The following PTPRR variants were observed in gnomAD, a reference collection of about 807,000 sequenced individuals.
The protein encoded by PTPRR is protein tyrosine phosphatase receptor type R.
Under a neutral mutation model 77.2 loss-of-function variants are expected in PTPRR, and 38 were observed. The observed-to-expected ratio is 0.49, with a 90% CI of 0.38 to 0.65. PTPRR has a LOEUF of 0.65. Among genes scored for constraint, PTPRR ranks in the 30% least tolerant of loss-of-function variants. The pLI is 0.00. For missense variants in PTPRR, 744 were observed against 799.2 expected (o/e 0.93, Z 0.83); for synonymous variants, 299 against 283.1 (o/e 1.06, Z -0.57).
intron 1 of PTPRR, among the ~76,000 whole-genome samples, chr12:70,895,897 G>A (rs924273869): frequency 1.1e-4 from 17 of 151,672 alleles, no homozygotes; most frequent in Non-Finnish European, 2.1e-4. Context: ...TATTAGTGAA[G>A]CCGTAATTCT....
chr12:70,724,795 G>C (rs902641453), intron 6 of PTPRR, among the ~76,000 whole-genome samples: 1 of 151,842 alleles, frequency 6.6e-6, no homozygotes, highest in Non-Finnish European at 1.5e-5. Context: ...GTGTATGTAA[G>C]TCTGGATATA....
rs1430416367 is a variant in PTPRR, at chr12:70,726,659, C to T, written c.1007+19159G>A. Among the ~76,000 whole-genome samples, 7 of 151,624 alleles carry T rather than the reference C, an allele frequency of 4.6e-5. No homozygotes were observed. The East Asian group carries it at 1.4e-3, about 29-fold the overall frequency. On this transcript the variant is annotated intron_variant, in intron 6 of 13. Transcript: ENST00000283228. ...GCAGTGGCGTGATCATAGCTCACTG[C>T]AACCTCCACCTCCTGAGTTCAAACG...
At chr12:70,642,366 T>C (rs1886035868) in intron 13 of PTPRR, among the ~76,000 whole-genome samples, 1 of 152,234 alleles carries the variant, frequency 6.6e-6, no homozygotes, top group South Asian at 2.1e-4. Context: ...CACAATGCTC[T>C]TGTTTACTGG....
intron 10 of PTPRR, chr12:70,672,750 G>A: frequency 6.4e-7 from 1 of 1,553,102 alleles, no homozygotes; most frequent in Non-Finnish European, 8.8e-7. Flanking sequence ...TCCTGACTGG[G>A]ACCTCCCCAG....
At chr12:70,660,348 C>T (rs966923027) in intron 12 of PTPRR, among the ~76,000 whole-genome samples, 25 of 152,134 alleles carry the variant, frequency 1.6e-4, no homozygotes, top group African/African-American at 5.8e-4. Context: ...AGCACAGACC[C>T]TGCTGCTGTT....
At chr12:70,764,636 T>TTTGGAAATGC (rs758642427) in intron 3 of PTPRR, 29 bp downstream of exon 3, 9 of 1,565,384 alleles carry the variant, frequency 5.7e-6, no homozygotes, top group Non-Finnish European at 7.9e-6. Flanking sequence ...CGGCTTGAAT[T>TTTGGAAATGC]TTGGAAATGC....
chr12:70,905,267 C>T (rs1212911370), intron 1 of PTPRR, among the ~76,000 whole-genome samples: 1 of 151,598 alleles, frequency 6.6e-6, no homozygotes, highest in African/African-American at 2.4e-5. Flanking sequence ...GAAGTCATCT[C>T]ATAAGAGAGT....
chr12:70,857,914 A>G (rs1257762652), intron 2 of PTPRR, among the ~76,000 whole-genome samples: 1 of 152,226 alleles, frequency 6.6e-6, no homozygotes, highest in Non-Finnish European at 1.5e-5. Flanking sequence ...TTCTCTAGGG[A>G]TGTGGCAGCC....
chr12:70,905,376 T>C (rs1206586596), intron 1 of PTPRR, among the ~76,000 whole-genome samples: 1 of 151,912 alleles, frequency 6.6e-6, no homozygotes, highest in Non-Finnish European at 1.5e-5. Context: ...GTAGGATTTC[T>C]TGTCTTCATT....
At chr12:70,742,924 T>A (rs1890098436) in intron 6 of PTPRR, among the ~76,000 whole-genome samples, 1 of 152,136 alleles carries the variant, frequency 6.6e-6, no homozygotes, top group Non-Finnish European at 1.5e-5. Flanking sequence ...ATGAGGAAGG[T>A]CTTGAGTTCC....
intron 10 of PTPRR, among the ~76,000 whole-genome samples, chr12:70,662,841 C>A (rs1386409557): frequency 2.0e-5 from 3 of 150,538 alleles, no homozygotes; most frequent in Admixed American, 6.6e-5. Flanking sequence ...TCATATGTGC[C>A]TATTAAACAC....
intron 10 of PTPRR, among the ~76,000 whole-genome samples, chr12:70,673,758 G>A (rs1887334710): frequency 6.6e-6 from 1 of 152,166 alleles, no homozygotes; most frequent in Non-Finnish European, 1.5e-5. Flanking sequence ...ATTTTGCTCA[G>A]ATCTACGAAA....
intron 6 of PTPRR, 47 bp downstream of exon 6, chr12:70,745,771 T>C (rs184651023): frequency 6.4e-7 from 1 of 1,565,728 alleles, no homozygotes; most frequent in Non-Finnish European, 8.6e-7. Flanking sequence ...TGATGAATAC[T>C]CTTTTTATAA....
rs77830398 is a variant in PTPRR, at chr12:70,677,770, G to A, written c.1497+6357C>T. Among the ~76,000 whole-genome samples the A allele has an allele frequency of 4.7e-4, 72 of 152,188 alleles. 1 individual carries two copies. The East Asian group carries it at 0.011, about 23-fold the overall frequency. On this transcript the variant is annotated intron_variant, in intron 10 of 13. Transcript: ENST00000283228. ...TGGGATGAATTCCCTTGATCATAGC[G>A]GATGATGTTTTTAATGTGCTATTGA...
At chr12:70,721,266 G>A (rs1889240549) in intron 6 of PTPRR, among the ~76,000 whole-genome samples, 1 of 152,174 alleles carries the variant, frequency 6.6e-6, no homozygotes, top group African/African-American at 2.4e-5. Flanking sequence ...TTTGATTAGA[G>A]TCTGAGTCAG....
chr12:70,787,144 T>C (rs1565697068), intron 2 of PTPRR, among the ~76,000 whole-genome samples: 1 of 152,226 alleles, frequency 6.6e-6, no homozygotes, highest in Non-Finnish European at 1.5e-5. Flanking sequence ...TATTTCATCC[T>C]GTTATTACTT....
chr12:70,736,426 G>A (rs754247830), intron 6 of PTPRR, among the ~76,000 whole-genome samples: 19 of 152,010 alleles, frequency 1.2e-4, no homozygotes, highest in Non-Finnish European at 2.4e-4. Context: ...AGGTGTGTAC[G>A]CCTCCTCCCA....
chr12:70,673,012 T>C, intron 10 of PTPRR: 1 of 967,646 alleles, frequency 1.0e-6, no homozygotes, highest in Non-Finnish European at 1.2e-6. Flanking sequence ...CTCTCTTCAA[T>C]AAATACGTCG....
At chr12:70,662,067 T>C (rs11178352) in intron 11 of PTPRR, among the ~76,000 whole-genome samples, 6,577 of 152,282 alleles carry the variant, frequency 0.043, 403 homozygotes, top group East Asian at 0.32. Context: ...CATCAACACT[T>C]CAGGCTTGCC....
Sources: gnomAD v4.1 joint callset for allele counts (sites outside exome capture counted in the v4.1 genomes callset) on GRCh38, gnomAD v4.1.1 for gene constraint, MANE v1.5 for transcripts, NCBI Gene and HGNC (gene_info 2026-07-23, HGNC 2026-07-21) for gene names.